Variants in SERPINB4 observed in about 807,000 individuals in gnomAD.
SERPINB4 encodes serpin family B member 4, also known as serpin B4.
SERPINB4 carries 39 observed loss-of-function variants against 33.2 expected under a neutral mutation model. That is an observed-to-expected ratio of 1.18 (90% CI 0.91 to 1.53). SERPINB4 has a LOEUF of 1.53. Ranked by LOEUF, SERPINB4 falls within the 40% of genes most tolerant of loss-of-function variation. The pLI, the probability that SERPINB4 is intolerant of heterozygous loss-of-function variation, is 0.00. For missense variants in SERPINB4, 564 were observed against 455.4 expected (o/e 1.24, Z -2.17); for synonymous variants, 191 against 166.4 (o/e 1.15, Z -1.14).
At chr18:63,642,368 G>A (rs1360369767) in intron 3 of SERPINB4, among the ~76,000 whole-genome samples, 13 of 152,108 alleles carry the variant, frequency 8.5e-5, no homozygotes, top group Admixed American at 8.5e-4. Context: ...CTTTCCTCAT[G>A]ATGGTCATTC....
At chr18:63,643,795 T>A (rs543395728) in intron 1 of SERPINB4, among the ~76,000 whole-genome samples, 192 bp from the exon 2 acceptor site, 8 of 152,278 alleles carry the variant, frequency 5.3e-5, no homozygotes, top group South Asian at 2.1e-4. Context: ...ATTAGAAGGC[T>A]TACAAAACTA....
At chr18:63,638,284 T>TATATAAATATATAAATATTTATA (rs1913006778) in intron 7 of SERPINB4, among the ~76,000 whole-genome samples, 161 bp from the exon 8 acceptor site, 2 of 152,074 alleles carry the variant, frequency 1.3e-5, no homozygotes, top group Non-Finnish European at 2.9e-5. Flanking sequence ...AAAATATGAG[T>TATATAAATATATAAATATTTATA]CCTGAATATA....
chr18:63,639,901 C>T, intron 5 of SERPINB4, 125 bp from the exon 6 acceptor site: 1 of 869,238 alleles, frequency 1.2e-6, no homozygotes, highest in East Asian at 2.6e-5. Flanking sequence ...GACTCACTGA[C>T]TTTGATCTTT....
In SERPINB4 at chr18:63,641,819, C is replaced by A. The variant is rs2144472721; in HGVS notation, c.292G>T (p.Ala98Ser). The A allele has an allele frequency of 6.2e-7, 1 of 1,613,514 alleles. No homozygotes were observed. The highest frequency in any genetic ancestry group is 8.5e-7 in the Non-Finnish European group (1 of 1,179,582). ...TTGTTGGCGATCTTCAGCTCATATG[C>A]ATCAGTGGATTTGTTGAATTCAGTC... is the stretch of plus-strand genomic sequence containing the variant. The part of the protein sequence containing the change: ...LLTEFNKSTD[A>S]YELKIANKLF... Residue 98 changes from alanine (A) to serine (S), a missense_variant, in exon 4 of 8, where the codon GCA becomes TCA. Coordinates refer to ENST00000341074, the MANE Select transcript of SERPINB4 (RefSeq NM_002974.4).
chr18:63,637,967 T>C lies in SERPINB4; in HGVS notation c.925A>G (p.Asn309Asp), dbSNP rs539257857. The C allele has an allele frequency of 6.2e-7, 1 of 1,613,618 alleles. No individual in the cohort carries two copies. The highest frequency in any genetic ancestry group is 1.3e-5 in the African/African-American group (1 of 74,982). Reference sequence around the variant, plus strand: ...ATGCCTGAGAGGTCTGCATCCCCATTGAAGATATTCACCATTCCCATGGTT... The same window carrying C: ...ATGCCTGAGAGGTCTGCATCCCCATCGAAGATATTCACCATTCCCATGGTT... ...LRTMGMVNIF[N>D]GDADLSGMTW... The change falls in exon 8 of 8, where the codon AAT becomes GAT. Residue 309 changes from asparagine to aspartate, a missense_variant. Physicochemically the swap from Asn to Asp is conservative, Grantham distance 23. Transcript: ENST00000341074.
chr18:63,641,814 A>G lies in SERPINB4; in HGVS notation c.297T>C (p.Tyr99=). Residue 99 remains tyrosine, a synonymous_variant, in exon 4 of 8, where the codon TAT becomes TAC. Transcript: ENST00000341074. ...AGAGCTTGTTGGCGATCTTCAGCTC[A>G]TATGCATCAGTGGATTTGTTGAATT... ...LTEFNKSTDA[Y]ELKIANKLFG... 1.2e-6 allele frequency: 2 copies of G among 1,613,512 alleles called. No individual in the cohort carries two copies. The highest frequency in any genetic ancestry group is 1.7e-6 in the Non-Finnish European group (2 of 1,179,588).
chr18:63,641,522 A>G (rs1913130020), intron 4 of SERPINB4, among the ~76,000 whole-genome samples: 1 of 151,988 alleles, frequency 6.6e-6, no homozygotes. Context: ...TACTCACTCT[A>G]TTACACAACC....
chr18:63,640,102 G>T (rs1029796787), intron 5 of SERPINB4, among the ~76,000 whole-genome samples: 2 of 152,008 alleles, frequency 1.3e-5, no homozygotes, highest in African/African-American at 4.8e-5. Flanking sequence ...CTTCCAACAT[G>T]TGTCTTTCCT....
At chr18:63,638,282 A>G (rs1291094345) in intron 7 of SERPINB4, among the ~76,000 whole-genome samples, 159 bp from the exon 8 acceptor site, 1 of 152,110 alleles carries the variant, frequency 6.6e-6, no homozygotes, top group Non-Finnish European at 1.5e-5. Flanking sequence ...GTAAAATATG[A>G]GTCCTGAATA....
intron 1 of SERPINB4, among the ~76,000 whole-genome samples, 176 bp from the exon 2 acceptor site, chr18:63,643,779 G>T (rs1341473914): frequency 1.3e-5 from 2 of 152,050 alleles, no homozygotes; most frequent in East Asian, 3.9e-4. Flanking sequence ...ATATATTAAT[G>T]TCCTAATTAG....
At position 63,637,902 on chromosome 18, in the gene SERPINB4, G is replaced by A. The variant is rs367851641; in HGVS notation, c.990C>T (p.His330=). The A allele has an allele frequency of 8.1e-6, 13 of 1,613,466 alleles. No homozygotes were observed. In the African/African-American group the frequency reaches 9.3e-5, roughly 12 times the overall value. The change falls in exon 8 of 8, where the codon CAC becomes CAT. Residue 330 remains histidine, a synonymous_variant. Transcript: ENST00000341074. The stretch of plus-strand genomic sequence containing the variant: ...CCTCAGTGACCTCCACAAAGGCCTT[G>A]TGTAGGACTTTAGATACTGAGAGAC... ...SHGLSVSKVL[H]KAFVEVTEEG... is the part of the protein sequence containing the mutation.
In SERPINB4 at chr18:63,637,886, C is replaced by T. The variant is rs763470942; in HGVS notation, c.1006G>A (p.Val336Ile). ...GCAGCTTCCACTCCCTCCTCAGTGACCTCCACAAAGGCCTTGTGTAGGACT... is the reference window on the plus strand; with the variant it reads ...GCAGCTTCCACTCCCTCCTCAGTGATCTCCACAAAGGCCTTGTGTAGGACT... ...SKVLHKAFVE[V>I]TEEGVEAAAA... Residue 336 changes from valine to isoleucine, a missense_variant, in exon 8 of 8, where the codon GTC becomes ATC. Coordinates refer to ENST00000341074, the MANE Select transcript of SERPINB4 (RefSeq NM_002974.4). 6.2e-6 allele frequency: 10 copies of T among 1,613,564 alleles called. No homozygotes were observed. The highest frequency in any genetic ancestry group is 1.1e-5 in the South Asian group (1 of 91,076).
intron 1 of SERPINB4, 50 bp downstream of exon 1, chr18:63,644,159 T>C (rs1195437097): frequency 6.6e-6 from 1 of 152,530 alleles, no homozygotes; most frequent in Non-Finnish European, 1.5e-5. Context: ...ATCATTATTA[T>C]TCTCAAAAAT....
intron 7 of SERPINB4, 38 bp downstream of exon 7, chr18:63,639,147 C>G: frequency 6.5e-7 from 1 of 1,538,168 alleles, no homozygotes; most frequent in Non-Finnish European, 8.8e-7. Context: ...GAAAAATGTC[C>G]GGCAGTAGAA....
At chr18:63,639,927 C>G in intron 5 of SERPINB4, 151 bp from the exon 6 acceptor site, 1 of 733,554 alleles carries the variant, frequency 1.4e-6, no homozygotes, top group Non-Finnish European at 2.2e-6. Context: ...GTTAGACTCA[C>G]TGACCAGTGG....
Position 63,637,921 on chromosome 18 carries a change from G to T in SERPINB4, c.971C>A (p.Ser324Ter). ...LSGMTWSHGLSVSKVLHKAFV... is the reference protein window; with the variant it reads ...LSGMTWSHGL ...GGCCTTGTGTAGGACTTTAGATACT[G>T]AGAGACCGTGGCTCCAGGTCATGCC... The change falls in exon 8 of 8, where the codon TCA (serine) becomes TAA (stop). Residue 324 changes from serine to a stop codon, truncating the protein, a stop_gained. Transcript: ENST00000341074. LOFTEE classifies it low-confidence loss of function (END_TRUNC). 6.2e-7 allele frequency: 1 copy of T among 1,613,518 alleles called. No individual in the cohort carries two copies.
In SERPINB4 at chr18:63,643,216, A is replaced by C. The variant is rs1913196513; in HGVS notation, c.167T>G (p.Val56Gly). 2 of 1,613,304 alleles carry C rather than the reference A, an allele frequency of 1.2e-6. No homozygotes were observed. The highest frequency in any genetic ancestry group is 1.7e-6 in the Non-Finnish European group (2 of 1,179,626). Reference sequence around the variant, plus strand: ...CTCTGTGACTTGATCAAAGTGAAGAACCTGGAAGAGACATGAAGCGGGACA... The same window carrying C: ...CTCTGTGACTTGATCAAAGTGAAGACCCTGGAAGAGACATGAAGCGGGACA... ...KDNTAQQISK[V>G]LHFDQVTENT... is the part of the protein sequence containing the mutation. The change falls in exon 3 of 8, where the codon GTT becomes GGT. Residue 56 changes from valine (V) to glycine (G), a missense_variant and splice_region_variant. Val to Gly is a moderately radical substitution (Grantham distance 109, BLOSUM62 -3). Transcript: ENST00000341074.
chr18:63,641,723 G>C (rs2144472204), intron 4 of SERPINB4, 37 bp downstream of exon 4: 8 of 1,612,734 alleles, frequency 5.0e-6, no homozygotes, highest in Non-Finnish European at 5.9e-6. Context: ...CAGACATCAG[G>C]ATGCAAATGA....
intron 7 of SERPINB4, among the ~76,000 whole-genome samples, chr18:63,638,930 G>T (rs181885912): frequency 5.2e-4 from 79 of 151,840 alleles, no homozygotes; most frequent in Non-Finnish European, 8.8e-5. Context: ...CCTGCACATT[G>T]TGCACATGTA....
Sources: allele counts gnomAD v4.1 joint callset (sites outside exome capture counted in the v4.1 genomes callset), GRCh38; gene constraint gnomAD v4.1.1; transcripts MANE v1.5; gene names NCBI Gene and HGNC (gene_info 2026-07-23, HGNC 2026-07-21).